DOCK5: variants seen among roughly 807,000 people sequenced by gnomAD.
The protein encoded by DOCK5 is dedicator of cytokinesis protein 5.
A neutral mutation model predicts 251.8 loss-of-function variants in DOCK5; 142 were observed. That is an observed-to-expected ratio of 0.56 (90% CI 0.49 to 0.65). DOCK5 has a LOEUF of 0.65. DOCK5 is among the 30% of genes least tolerant of loss of function. The probability of loss-of-function intolerance (pLI) is 0.00; values close to 1 mark genes in which losing one functional copy is unlikely to be tolerated. For synonymous variants in DOCK5, 842 were observed against 835.5 expected, an observed-to-expected ratio of 1.01 and a Z score of -0.13; for missense variants, 2,111 against 2,312.3, an observed-to-expected ratio of 0.91 and a Z score of 1.79.
chr8:25,207,934 C>T (rs1387037190), intron 1 of DOCK5, among the ~76,000 whole-genome samples: 1 of 152,126 alleles, frequency 6.6e-6, no homozygotes, highest in Non-Finnish European at 1.5e-5. Context: ...GAAAGGATTC[C>T]CCATTCTAAA....
intron 21 of DOCK5, among the ~76,000 whole-genome samples, chr8:25,335,071 C>T (rs1805769864): frequency 6.6e-6 from 1 of 152,214 alleles, no homozygotes; most frequent in Non-Finnish European, 1.5e-5. Context: ...CTCACCATGG[C>T]ATTGTGTGTG....
At chr8:25,329,281 T>C (rs1805630214) in intron 18 of DOCK5, among the ~76,000 whole-genome samples, 1 of 152,328 alleles carries the variant, frequency 6.6e-6, no homozygotes, top group Admixed American at 6.5e-5. Flanking sequence ...AATTAAATTA[T>C]GAGTCAGTCC....
At position 25,375,597 on chromosome 8, in the gene DOCK5, A is replaced by G. The variant is rs368171575; in HGVS notation, c.3816+943A>G. The G allele has an allele frequency of 1.2e-5, 9 of 773,782 alleles. No homozygotes were observed. The South Asian group carries it at 1.8e-4, about 15-fold the overall frequency. The allele number at this position is 773,782 out of a possible 1,614,324, so 47.9% of individuals were successfully genotyped here. On this transcript the variant is annotated intron_variant, in intron 37 of 51. Transcript: ENST00000276440. ...TTGGTCCATCCCGTAAGCATGTCAC[A>G]CCTTGAGCACTACAGCAGCCTCCTG...
intron 10 of DOCK5, among the ~76,000 whole-genome samples, chr8:25,303,412 T>A (rs148765360): frequency 2.0e-5 from 3 of 152,314 alleles, no homozygotes; most frequent in East Asian, 1.9e-4. Flanking sequence ...GGAAATTTAC[T>A]CTTCGAAGAC....
Position 25,334,278 on chromosome 8 carries a change from G to A in DOCK5, c.2192+82G>A. ...GACTGGATTGTTGAGAAACGAGACG[G>A]ACCTATTACTATTCAGTAAATACGC... is the stretch of plus-strand genomic sequence containing the variant. On this transcript the variant is annotated intron_variant, in intron 21 of 51. Coordinates refer to ENST00000276440, the MANE Select transcript of DOCK5 (RefSeq NM_024940.8). 4 of 1,135,698 alleles carry A rather than the reference G, an allele frequency of 3.5e-6. No individual in the cohort carries two copies. The South Asian group carries it at 5.0e-5, about 14-fold the overall frequency. 70.4% of individuals were successfully genotyped at this position (1,135,698 alleles called of 1,614,324 possible). A position where few individuals can be genotyped will look rare whatever the true frequency, so the allele number is the denominator to read the frequency against.
intron 3 of DOCK5, chr8:25,271,095 G>T: frequency 2.8e-6 from 1 of 357,788 alleles, no homozygotes; most frequent in Admixed American, 4.5e-5. Flanking sequence ...CTAGCTAATA[G>T]TGCCATTGTT....
chr8:25,278,622 C>T lies in DOCK5; in HGVS notation c.278C>T (p.Ser93Phe), dbSNP rs752758204. The T allele has an allele frequency of 6.2e-7, 1 of 1,613,966 alleles. No individual in the cohort carries two copies. Among genetic ancestry groups the T allele is most frequent in the South Asian group, 1.1e-5 (1 of 91,080 alleles). The change falls in exon 5 of 52, where the codon TCC becomes TTC. Residue 93 changes from serine to phenylalanine, a missense_variant. Coordinates refer to ENST00000276440, the MANE Select transcript of DOCK5 (RefSeq NM_024940.8). ...CTCCCCCTGGTGCAGGAGCTCACGT[C>T]CACTCTGCGAGAATGGGCTGTCATC... ...GELPLVQELT[S>F]TLREWAVIWR...
chr8:25,390,969 T>G (rs1680829034), intron 42 of DOCK5, among the ~76,000 whole-genome samples: 1 of 151,988 alleles, frequency 6.6e-6, no homozygotes, highest in African/African-American at 2.4e-5. Flanking sequence ...CCGCCACACC[T>G]GGCTAATTTT....
chr8:25,328,682 G>A (rs2117211986), intron 18 of DOCK5, among the ~76,000 whole-genome samples: 1 of 152,276 alleles, frequency 6.6e-6, no homozygotes, highest in South Asian at 2.1e-4. Context: ...AGATCTTGGA[G>A]ACTCTTTTGT....
intron 1 of DOCK5, among the ~76,000 whole-genome samples, chr8:25,199,019 A>G (rs1027016322): frequency 1.3e-5 from 2 of 152,120 alleles, no homozygotes; most frequent in African/African-American, 4.8e-5. Context: ...GAGCCTGCAA[A>G]GTGGAAGTGA....
chr8:25,256,331 C>A (rs1172865789), intron 2 of DOCK5, among the ~76,000 whole-genome samples: 5 of 152,008 alleles, frequency 3.3e-5, no homozygotes, highest in African/African-American at 9.7e-5. Flanking sequence ...TAGTTTTCAC[C>A]AATGCCAGTG....
chr8:25,274,893 C>T (rs924536680), intron 3 of DOCK5, among the ~76,000 whole-genome samples: 6 of 151,986 alleles, frequency 3.9e-5, no homozygotes, highest in Non-Finnish European at 4.4e-5. Context: ...TGCAGGGCTG[C>T]GTGCCATACT....
At chr8:25,348,786 C>G (rs2117245009) in intron 26 of DOCK5, among the ~76,000 whole-genome samples, 1 of 149,988 alleles carries the variant, frequency 6.7e-6, no homozygotes, top group African/African-American at 2.5e-5. Context: ...TGCAGTGAGC[C>G]AAGATCACAC....
intron 2 of DOCK5, among the ~76,000 whole-genome samples, chr8:25,249,463 A>G (rs1803208938): frequency 6.6e-6 from 1 of 152,222 alleles, no homozygotes. Flanking sequence ...TCATCATCCC[A>G]TAAAGAAGCT....
At chr8:25,272,024 TATACATAC>T (rs1451817818) in intron 3 of DOCK5, among the ~76,000 whole-genome samples, 1 of 152,130 alleles carries the variant, frequency 6.6e-6, no homozygotes, top group Non-Finnish European at 1.5e-5. Flanking sequence ...TACATACATA[TATACATAC>T]ATACATACAT....
intron 22 of DOCK5, among the ~76,000 whole-genome samples, chr8:25,337,003 A>G (rs1805828188): frequency 6.6e-6 from 1 of 152,228 alleles, no homozygotes; most frequent in African/African-American, 2.4e-5. Context: ...TATTTTTAAA[A>G]GAAACTTTAT....
At chr8:25,228,525 T>C (rs529687546) in intron 1 of DOCK5, among the ~76,000 whole-genome samples, 7 of 152,310 alleles carry the variant, frequency 4.6e-5, no homozygotes, top group African/African-American at 1.2e-4. Flanking sequence ...TACAGTCATA[T>C]TTATACCACT....
In DOCK5 at chr8:25,411,423, T is replaced by TAC; in HGVS notation, c.*126_*127dup. 7.9e-7 allele frequency: 1 copy of TAC among 1,267,222 alleles called. No homozygotes were observed. Among genetic ancestry groups the TAC allele is most frequent in the Non-Finnish European group, 1.0e-6 (1 of 988,400 alleles). The allele number at this position is 1,267,222 out of a possible 1,614,324, so 78.5% of individuals were successfully genotyped here. A position where few individuals can be genotyped will look rare whatever the true frequency, so the allele number is the denominator to read the frequency against. ...GCATTTCCTGATCTGGGATGATGTTTACCAGCCCAAAACCAGTCATGTTCT... is the reference window on the plus strand; with the variant it reads ...GCATTTCCTGATCTGGGATGATGTTTACACCAGCCCAAAACCAGTCATGTTCT... On this transcript the variant is annotated 3_prime_UTR_variant, in exon 52 of 52. Coordinates refer to ENST00000276440, the MANE Select transcript of DOCK5 (RefSeq NM_024940.8).
chr8:25,295,223 G>A (rs1394885468), intron 6 of DOCK5, among the ~76,000 whole-genome samples: 2 of 151,872 alleles, frequency 1.3e-5, no homozygotes, highest in Non-Finnish European at 2.9e-5. Flanking sequence ...AGGCTCACTT[G>A]AAGCCAGGAG....
Sources: gnomAD v4.1 joint callset for allele counts (sites outside exome capture counted in the v4.1 genomes callset) on GRCh38, gnomAD v4.1.1 for gene constraint, MANE v1.5 for transcripts, NCBI Gene and HGNC (gene_info 2026-07-23, HGNC 2026-07-21) for gene names.